The following DENND1A variants were observed in gnomAD, a reference collection of about 807,000 sequenced individuals.
The protein encoded by DENND1A is DENN domain containing 1A.
DENND1A carries 51 observed loss-of-function variants against 113.7 expected under a neutral mutation model. The observed-to-expected ratio is 0.45, with a 90% confidence interval of 0.36 to 0.57. The LOEUF (loss-of-function observed/expected upper bound fraction) is 0.57. Ranked by LOEUF, DENND1A falls within the 20% of genes least tolerant of loss-of-function variation. The pLI is 0.00. For missense variants in DENND1A, 1,258 were observed against 1,395.9 expected (o/e 0.90, Z 1.57); for synonymous variants, 565 against 570.8 (o/e 0.99, Z 0.14).
chr9:123,471,550 G>A (rs17212242), intron 13 of DENND1A, among the ~76,000 whole-genome samples: 7 of 152,134 alleles, frequency 4.6e-5, no homozygotes, highest in African/African-American at 1.7e-4. Flanking sequence ...AGACCGCAAC[G>A]TACAGCAAGA....
At chr9:123,817,043 A>G (rs1394306339) in intron 2 of DENND1A, among the ~76,000 whole-genome samples, 1 of 152,190 alleles carries the variant, frequency 6.6e-6, no homozygotes, top group African/African-American at 2.4e-5. Flanking sequence ...ATGGGCTCCA[A>G]AAAGGAAATA....
rs758721177 is a variant in DENND1A at position 123,450,738 on chromosome 9, A to G, written c.1311T>C (p.His437=). 1.2e-6 allele frequency: 2 copies of G among 1,611,280 alleles called. No homozygotes were observed. The highest frequency in any genetic ancestry group is 8.5e-7 in the Non-Finnish European group (1 of 1,179,180). ...MKTVYKFAKD[H]AKMGIKEVKN... ...TCACCTCTTTTATTCCCATTTTTGC[A>G]TGATCTTTTGCCTGCATGAAAAATT... The change falls in exon 18 of 24, where the codon CAT becomes CAC. Residue 437 remains histidine (H), a synonymous_variant. Transcript: ENST00000394215.
At chr9:123,855,451 T>C (rs1342960306) in intron 2 of DENND1A, among the ~76,000 whole-genome samples, 11 of 151,922 alleles carry the variant, frequency 7.2e-5, no homozygotes, top group East Asian at 1.9e-4. Flanking sequence ...GAAAGAGTAT[T>C]GTACAGAAAA....
At position 123,382,242 on chromosome 9, in the gene DENND1A, C is replaced by G. The variant is rs146208649; in HGVS notation, c.2403G>C (p.Thr801=). 6 of 1,609,538 alleles carry G rather than the reference C, an allele frequency of 3.7e-6. No individual in the cohort carries two copies. Among genetic ancestry groups the G allele is most frequent in the Non-Finnish European group, 5.1e-6 (6 of 1,179,494 alleles). ...TCAGGGCAGCTCGCCTGTCCCGATC[C>G]GTCTGCAGCCGCTCTGAGACGTCAC... ...ALGDVSERLQ[T]DRDRRAALSP... Residue 801 remains threonine, a synonymous_variant, in exon 24 of 24, where the codon ACG becomes ACC. Coordinates refer to ENST00000394215, the MANE Select transcript of DENND1A (RefSeq NM_001352964.2).
At chr9:123,626,476 T>C (rs538413723) in intron 10 of DENND1A, among the ~76,000 whole-genome samples, 2 of 152,110 alleles carry the variant, frequency 1.3e-5, no homozygotes, top group African/African-American at 4.8e-5. Context: ...ACTCTCTCTC[T>C]CCCTTCTCCT....
At chr9:123,842,978 G>T (rs1842042829) in intron 2 of DENND1A, 1 of 389,378 alleles carries the variant, frequency 2.6e-6, no homozygotes, top group Non-Finnish European at 5.0e-6. Context: ...ATAGTAGGAT[G>T]CAGTAGTTCC....
At chr9:123,560,565 C>T (rs1334860880) in intron 12 of DENND1A, among the ~76,000 whole-genome samples, 1 of 151,908 alleles carries the variant, frequency 6.6e-6, no homozygotes, top group Admixed American at 6.6e-5. Flanking sequence ...TGGCACCTGC[C>T]TGTAGTCTCA....
intron 18 of DENND1A, among the ~76,000 whole-genome samples, chr9:123,442,326 G>C (rs2046989079): frequency 6.6e-6 from 1 of 152,156 alleles, no homozygotes; most frequent in African/African-American, 2.4e-5. Context: ...TCTCAGCCAG[G>C]CTGAGGCTCA....
intron 19 of DENND1A, among the ~76,000 whole-genome samples, chr9:123,435,450 C>CTTGGTT (rs543416262): frequency 2.6e-5 from 4 of 152,270 alleles, no homozygotes; most frequent in South Asian, 2.1e-4. Context: ...CACGGTGGTG[C>CTTGGTT]TTGGTTTTGG....
chr9:123,410,955 A>G (rs1260571544), intron 20 of DENND1A, among the ~76,000 whole-genome samples: 1 of 150,996 alleles, frequency 6.6e-6, no homozygotes, highest in East Asian at 2.0e-4. Flanking sequence ...TACCAAGGAA[A>G]ACGACTCCAC....
chr9:123,773,875 A>G (rs1830088863), intron 3 of DENND1A, among the ~76,000 whole-genome samples: 1 of 152,198 alleles, frequency 6.6e-6, no homozygotes, highest in African/African-American at 2.4e-5. Flanking sequence ...TGGTGCAGGA[A>G]AACATTTAAA....
At chr9:123,564,084 C>T (rs1184813417) in intron 12 of DENND1A, among the ~76,000 whole-genome samples, 4 of 152,128 alleles carry the variant, frequency 2.6e-5, no homozygotes, top group Admixed American at 6.6e-5. Context: ...CCCTACAAAT[C>T]GGCTACAAGT....
chr9:123,642,148 T>C (rs1318785195), intron 9 of DENND1A, among the ~76,000 whole-genome samples: 1 of 152,230 alleles, frequency 6.6e-6, no homozygotes, highest in Admixed American at 6.5e-5. Flanking sequence ...AGGTTCTTCA[T>C]TCCAATTAGA....
chr9:123,647,303 C>T (rs896525614), intron 9 of DENND1A, among the ~76,000 whole-genome samples: 1 of 152,214 alleles, frequency 6.6e-6, no homozygotes, highest in African/African-American at 2.4e-5. Context: ...TGGCCTGCTG[C>T]CTGTATTTGG....
At chr9:123,630,723 G>T (rs1334206438) in intron 9 of DENND1A, among the ~76,000 whole-genome samples, 11 of 151,834 alleles carry the variant, frequency 7.2e-5, no homozygotes, top group Admixed American at 7.2e-4. Flanking sequence ...ATGGTGAAAG[G>T]GATTAAAATA....
chr9:123,905,066 G>T (rs1270599159), intron 1 of DENND1A, among the ~76,000 whole-genome samples: 7 of 151,918 alleles, frequency 4.6e-5, no homozygotes, highest in African/African-American at 2.4e-5. Flanking sequence ...CATTCTTAAA[G>T]AAAAGAATTT....
intron 1 of DENND1A, among the ~76,000 whole-genome samples, chr9:123,920,519 A>T (rs1856042634): frequency 6.6e-6 from 1 of 152,230 alleles, no homozygotes; most frequent in South Asian, 2.1e-4. Context: ...ATCTTTTATA[A>T]AACTGAATAG....
chr9:123,816,763 T>C (rs1238776161), intron 2 of DENND1A, among the ~76,000 whole-genome samples: 1 of 152,236 alleles, frequency 6.6e-6, no homozygotes, highest in Non-Finnish European at 1.5e-5. Flanking sequence ...TTCCAAGCTC[T>C]TTCACATTCT....
intron 13 of DENND1A, among the ~76,000 whole-genome samples, chr9:123,513,056 G>A (rs1564628368): frequency 6.6e-6 from 1 of 152,240 alleles, no homozygotes; most frequent in Non-Finnish European, 1.5e-5. Flanking sequence ...CTATAGGAAT[G>A]TGGATCGTTC....
Sources: allele counts gnomAD v4.1 joint callset (sites outside exome capture counted in the v4.1 genomes callset), GRCh38; gene constraint gnomAD v4.1.1; transcripts MANE v1.5; gene names NCBI Gene and HGNC (gene_info 2026-07-23, HGNC 2026-07-21).